Variants in ZNF138 observed in about 807,000 individuals in gnomAD.
ZNF138 encodes zinc finger protein 138 (clone pHZ-32).
A neutral mutation model predicts 33.0 loss-of-function variants in ZNF138; 33 were observed. The observed-to-expected ratio is 1.00, with a 90% CI of 0.76 to 1.34. ZNF138 has a LOEUF of 1.34. Ranked by LOEUF, ZNF138 falls within the 40% of genes most tolerant of loss-of-function variation. The pLI is 0.00. For synonymous variants in ZNF138, 139 were observed against 120.4 expected (o/e 1.15, Z -1.01); for missense variants, 360 against 370.8 (o/e 0.97, Z 0.24).
At chr7:64,854,494 G>A in the ZNF138 span, among the ~76,000 whole-genome samples, 3 of 152,180 alleles carry the variant, frequency 2.0e-5, no homozygotes, top group Non-Finnish European at 4.4e-5. Context: ...GCCCACCTCG[G>A]CCTCCAAAAG....
At chr7:64,799,941 C>G (rs192765396) in intron 1 of ZNF138, among the ~76,000 whole-genome samples, 8 of 152,320 alleles carry the variant, frequency 5.3e-5, no homozygotes. Flanking sequence ...AGCCACCAGG[C>G]CCAGCCTGGG....
chr7:64,841,928 G>A, the ZNF138 span, among the ~76,000 whole-genome samples: 77,656 of 152,048 alleles, frequency 0.51, 20,159 homozygotes, highest in African/African-American at 0.56. Flanking sequence ...GTTTGTAAAC[G>A]GAAAATCTTA....
At chr7:64,853,330 G>A in the ZNF138 span, 1 of 1,600,322 alleles carries the variant, frequency 6.2e-7, no homozygotes, top group African/African-American at 1.3e-5. Context: ...TAACTTTCCG[G>A]GTTAAAGGAC....
At chr7:64,850,138 C>T in the ZNF138 span, among the ~76,000 whole-genome samples, 2 of 152,250 alleles carry the variant, frequency 1.3e-5, no homozygotes, top group South Asian at 2.1e-4. Context: ...CTTCTTCTAC[C>T]TCTGTATTTA....
the ZNF138 span, among the ~76,000 whole-genome samples, chr7:64,845,166 G>A: frequency 3.9e-5 from 6 of 152,188 alleles, no homozygotes; most frequent in Non-Finnish European, 7.3e-5. Context: ...TCCAACTTAT[G>A]AGTGAGAACA....
intron 3 of ZNF138, among the ~76,000 whole-genome samples, chr7:64,818,018 G>C (rs1326728307): frequency 1.4e-5 from 2 of 141,706 alleles, no homozygotes; most frequent in African/African-American, 5.2e-5. Context: ...TTTTGAGACC[G>C]AGTCTCACTC....
chr7:64,819,838 C>T (rs1260036417), intron 3 of ZNF138, among the ~76,000 whole-genome samples: 1 of 147,664 alleles, frequency 6.8e-6, no homozygotes, highest in African/African-American at 2.7e-5. Context: ...TTTGGGAGGC[C>T]AAGACAAGAG....
chr7:64,819,494 A>G (rs13228362), intron 3 of ZNF138, among the ~76,000 whole-genome samples: 4 of 151,538 alleles, frequency 2.6e-5, no homozygotes, highest in Non-Finnish European at 5.9e-5. Context: ...CAGTCTCCTC[A>G]GTGGCTAGGA....
At chr7:64,802,897 C>T (rs1787259272) in intron 1 of ZNF138, among the ~76,000 whole-genome samples, 1 of 151,578 alleles carries the variant, frequency 6.6e-6, no homozygotes, top group Non-Finnish European at 1.5e-5. Flanking sequence ...TCCCCTGCCT[C>T]GTTTTGTCTT....
chr7:64,836,882 G>A (rs1157764760), downstream of ZNF138: 1 of 152,192 alleles, frequency 6.6e-6, no homozygotes, highest in Non-Finnish European at 1.5e-5. Context: ...GACTGCCTGT[G>A]TGGAACTCCA....
downstream of ZNF138, chr7:64,835,837 G>C (rs558640169): frequency 9.2e-5 from 14 of 152,266 alleles, no homozygotes; most frequent in East Asian, 2.5e-3. Flanking sequence ...TCCTAGCCCT[G>C]ATGCCACTAA....
chr7:64,828,986 T>G (rs892446924), intron 3 of ZNF138, among the ~76,000 whole-genome samples: 2 of 151,926 alleles, frequency 1.3e-5, no homozygotes, highest in Middle Eastern at 3.4e-3. Context: ...GAAGAGTGTG[T>G]TGTTTACTAT....
downstream of ZNF138, among the ~76,000 whole-genome samples, chr7:64,834,780 G>C (rs1311167646): frequency 6.6e-6 from 1 of 152,122 alleles, no homozygotes; most frequent in African/African-American, 2.4e-5. Context: ...GATGTATGAG[G>C]TAAGTGTTCA....
At chr7:64,849,225 G>A in the ZNF138 span, among the ~76,000 whole-genome samples, 1 of 152,020 alleles carries the variant, frequency 6.6e-6, no homozygotes, top group Non-Finnish European at 1.5e-5. Context: ...CTTTTTTCTG[G>A]ATCTAGTCAC....
the ZNF138 span, among the ~76,000 whole-genome samples, chr7:64,854,988 T>C: frequency 6.6e-6 from 1 of 152,026 alleles, no homozygotes; most frequent in African/African-American, 2.4e-5. Flanking sequence ...AAGCAAATAA[T>C]TATATTGAAT....
At chr7:64,852,352 G>C in the ZNF138 span, 4 of 1,209,438 alleles carry the variant, frequency 3.3e-6, no homozygotes, top group Non-Finnish European at 4.8e-6. Context: ...AAAGGAAATA[G>C]ATCTATTTAA....
Position 64,794,478 on chromosome 7 carries a change from C to G in ZNF138, c.-91C>G. On this transcript the variant is annotated 5_prime_UTR_variant, in exon 1 of 4. Transcript: ENST00000307355. ...TCTGGCCTTCACTTTTCTGCGTCCT[C>G]TTACTCCTAGAGGCCCAGCCTCTGT... The G allele has an allele frequency of 1.3e-6, 2 of 1,592,146 alleles. No individual in the cohort carries two copies. Among genetic ancestry groups the G allele is most frequent in the Non-Finnish European group, 1.7e-6 (2 of 1,163,552 alleles).
At chr7:64,854,099 G>T in the ZNF138 span, among the ~76,000 whole-genome samples, 3 of 152,102 alleles carry the variant, frequency 2.0e-5, no homozygotes, top group African/African-American at 7.2e-5. Flanking sequence ...TTGAATAATT[G>T]GTTACATTTT....
intron 3 of ZNF138, among the ~76,000 whole-genome samples, chr7:64,823,168 C>T (rs1789305986): frequency 6.6e-6 from 1 of 152,192 alleles, no homozygotes; most frequent in South Asian, 2.1e-4. Flanking sequence ...GCATGAGCCA[C>T]TGCGCCTGGC....
Sources: gnomAD v4.1 joint callset for allele counts (sites outside exome capture counted in the v4.1 genomes callset) on GRCh38, gnomAD v4.1.1 for gene constraint, MANE v1.5 for transcripts, NCBI Gene and HGNC (gene_info 2026-07-23, HGNC 2026-07-21) for gene names.